Variants in PIK3R3 observed in about 807,000 individuals in gnomAD.
PIK3R3 encodes the protein phosphatidylinositol 3-kinase regulatory subunit gamma.
PIK3R3 carries 64 observed loss-of-function variants against 62.9 expected under a neutral mutation model. That is an observed-to-expected ratio of 1.02 (90% confidence interval 0.83 to 1.25). PIK3R3 has a LOEUF of 1.25. PIK3R3 is among the 50% of genes most tolerant of loss of function. The probability of loss-of-function intolerance (pLI) is 0.00; values close to 1 mark genes in which losing one functional copy is unlikely to be tolerated. For missense variants in PIK3R3, 614 were observed against 561.6 expected, an observed-to-expected ratio of 1.09 and a Z score of -0.94; for synonymous variants, 165 against 189.0, an observed-to-expected ratio of 0.87 and a Z score of 1.04.
At chr1:46,165,806 C>G in the PIK3R3 span, among the ~76,000 whole-genome samples, 1 of 97,708 alleles carries the variant, frequency 1.0e-5, no homozygotes, top group Non-Finnish European at 1.9e-5. Flanking sequence ...GAGTCTCACT[C>G]TGTAGCCCAG....
intron 7 of PIK3R3, chr1:46,046,933 G>A: frequency 2.2e-5 from 9 of 403,960 alleles, no homozygotes; most frequent in Admixed American, 4.3e-5. Context: ...ACTCACAGTG[G>A]GACATTTGTT....
chr1:46,148,279 CAAAT>C, the PIK3R3 span, among the ~76,000 whole-genome samples: 3 of 152,094 alleles, frequency 2.0e-5, no homozygotes, highest in Admixed American at 2.0e-4. Flanking sequence ...TAGCTTAAGA[CAAAT>C]AAAGGGGTAG....
chr1:46,082,197 C>T (rs1650660047), intron 1 of PIK3R3, among the ~76,000 whole-genome samples: 2 of 152,044 alleles, frequency 1.3e-5, no homozygotes, highest in African/African-American at 2.4e-5. Context: ...CAATACAATA[C>T]ACTAAAAAGG....
chr1:46,103,179 G>C (rs1652872134), intron 1 of PIK3R3, among the ~76,000 whole-genome samples: 1 of 152,170 alleles, frequency 6.6e-6, no homozygotes, highest in African/African-American at 2.4e-5. Context: ...GAAACGACGA[G>C]TCACTGTTTA....
upstream of PIK3R3, among the ~76,000 whole-genome samples, chr1:46,136,029 CA>C (rs552872602): frequency 0.023 from 1,002 of 43,288 alleles, 12 homozygotes; most frequent in Admixed American, 0.1. Context: ...GACTCAGTCT[CA>C]AAAAAAAAAA....
chr1:46,128,084 T>C (rs1193424326), intron 1 of PIK3R3, among the ~76,000 whole-genome samples: 1 of 152,162 alleles, frequency 6.6e-6, no homozygotes, highest in African/African-American at 2.4e-5. Context: ...AAAAATAGTT[T>C]TTGAGGCCAC....
In PIK3R3 at chr1:46,071,436, C is replaced by T. The variant is rs532557314; in HGVS notation, c.315-4345G>A. On this transcript the variant is annotated intron_variant, in intron 3 of 9. Transcript: ENST00000262741. ...CATCTATCCCCGCGGTAGCTCACGC[C>T]TATAATCCCAGCATTTTGGGAGGCC... Among the ~76,000 whole-genome samples the T allele has an allele frequency of 3.9e-4, 59 of 151,872 alleles. 1 individual carries two copies. The South Asian group carries it at 0.011, about 29-fold the overall frequency.
chr1:46,157,263 A>G, the PIK3R3 span, among the ~76,000 whole-genome samples: 3 of 152,140 alleles, frequency 2.0e-5, no homozygotes, highest in Non-Finnish European at 4.4e-5. Context: ...CCACCCAAGT[A>G]GCTGGGACTA....
rs1647842895 is a variant in PIK3R3 at position 46,055,836 on chromosome 1, A to G, written c.900T>C (p.Pro300=). ...GGATCTTTCGCAGCTGGATCAGGTC[A>G]GGTTTGATGCTATTCATTTTTTTAT... is the stretch of plus-strand genomic sequence containing the variant. ...EIDKKMNSIK[P]DLIQLRKIRD... is the part of the protein sequence containing the mutation. The change falls in exon 7 of 10, where the codon CCT becomes CCC. Residue 300 remains proline (P), a synonymous_variant. Transcript: ENST00000262741. 4 of 1,606,400 alleles carry G rather than the reference A, an allele frequency of 2.5e-6. No individual in the cohort carries two copies. The Admixed American group carries it at 6.8e-5, about 27-fold the overall frequency.
chr1:46,053,727 A>AT (rs930309391), intron 7 of PIK3R3, among the ~76,000 whole-genome samples: 19 of 152,126 alleles, frequency 1.2e-4, no homozygotes, highest in African/African-American at 3.4e-4. Context: ...CCAATTTATG[A>AT]TTTTTTTTAT....
chr1:46,116,800 T>A (rs1215645265), intron 1 of PIK3R3, among the ~76,000 whole-genome samples: 2 of 152,176 alleles, frequency 1.3e-5, no homozygotes, highest in Admixed American at 1.3e-4. Flanking sequence ...ATTAATATTC[T>A]TTTCTATGCT....
At position 46,052,569 on chromosome 1, in the gene PIK3R3, A is replaced by C. The variant is rs933210546; in HGVS notation, c.941+3226T>G. 3.3e-5 allele frequency among the ~76,000 whole-genome samples: 5 copies of C among 152,286 alleles called. No individual in the cohort carries two copies. In the East Asian group the frequency reaches 9.7e-4, roughly 29 times the overall value. ...TATAAACCCATGGAACCCCACTCAT[A>C]TCAAGATTCGAACATTTCTAGAACC... On this transcript the variant is annotated intron_variant, in intron 7 of 9. Coordinates refer to ENST00000262741, the MANE Select transcript of PIK3R3 (RefSeq NM_003629.4).
At chr1:46,072,206 C>T (rs1473305421) in intron 3 of PIK3R3, among the ~76,000 whole-genome samples, 2 of 152,232 alleles carry the variant, frequency 1.3e-5, no homozygotes, top group African/African-American at 4.8e-5. Flanking sequence ...GCCATTTTCT[C>T]ATTCCCTTTG....
At chr1:46,059,061 TAGTG>T (rs1248189716) in intron 6 of PIK3R3, among the ~76,000 whole-genome samples, 3 of 152,248 alleles carry the variant, frequency 2.0e-5, no homozygotes, top group Non-Finnish European at 2.9e-5. Context: ...GTTCTCATTG[TAGTG>T]AGTAAGTTTC....
the PIK3R3 span, among the ~76,000 whole-genome samples, chr1:46,139,314 T>C: frequency 2.6e-5 from 4 of 152,058 alleles, no homozygotes; most frequent in Non-Finnish European, 4.4e-5. Flanking sequence ...TTTTTTTTTT[T>C]TTCTTTTTGA....
the PIK3R3 span, among the ~76,000 whole-genome samples, chr1:46,149,944 G>A: frequency 1.3e-5 from 2 of 152,198 alleles, no homozygotes; most frequent in South Asian, 2.1e-4. Context: ...AGTATACTCA[G>A]TCAAGCAGCA....
the PIK3R3 span, among the ~76,000 whole-genome samples, chr1:46,154,842 CCTT>C: frequency 0.024 from 3,624 of 152,292 alleles, 53 homozygotes; most frequent in Middle Eastern, 0.051. Context: ...ATAACTGTCT[CCTT>C]CTCTTCATTC....
rs536419972 is a variant in PIK3R3 at position 46,070,234 on chromosome 1, T to C, written c.315-3143A>G. ...GAGGACAAGATTATTCCTAGAGTGA[T>C]GTCCTTGAGTAGATTAGAGGGATGG... On this transcript the variant is annotated intron_variant, in intron 3 of 9. Transcript: ENST00000262741. 4.6e-5 allele frequency among the ~76,000 whole-genome samples: 7 copies of C among 152,336 alleles called. No homozygotes were observed. In the East Asian group the frequency reaches 1.3e-3, roughly 29 times the overall value.
In PIK3R3 at chr1:46,044,976, T is replaced by G. The variant is rs1045928242; in HGVS notation, c.1187+942A>C. On this transcript the variant is annotated intron_variant, in intron 9 of 9. Transcript: ENST00000262741. This position sits in a 1 kb window ranked among gnomAD's most constrained non-coding sequence, Gnocchi z 4.2. Reference sequence around the variant, plus strand: ...TTAATATGAATGCCTTTCGCCTACCTTCTCCACCTTGCCCTCTAAGGGCAC... The same window carrying G: ...TTAATATGAATGCCTTTCGCCTACCGTCTCCACCTTGCCCTCTAAGGGCAC... Among the ~76,000 whole-genome samples, 1 of 152,254 alleles carries G rather than the reference T, an allele frequency of 6.6e-6. No individual in the cohort carries two copies. The highest frequency in any genetic ancestry group is 1.5e-5 in the Non-Finnish European group (1 of 68,048).
Sources: allele counts gnomAD v4.1 joint callset (sites outside exome capture counted in the v4.1 genomes callset), GRCh38; gene constraint gnomAD v4.1.1; non-coding constraint Gnocchi (gnomAD v3.1); transcripts MANE v1.5; gene names NCBI Gene and HGNC (gene_info 2026-07-23, HGNC 2026-07-21).